RBFOX1: variants seen among roughly 807,000 people sequenced by gnomAD.
RBFOX1 encodes the protein RNA binding fox-1 homolog 1, also known as RNA binding protein fox-1 homolog 1.
Under a neutral mutation model 57.7 loss-of-function variants are expected in RBFOX1, and 8 were observed. The observed-to-expected ratio is 0.14, with a 90% CI of 0.08 to 0.25. The LOEUF (loss-of-function observed/expected upper bound fraction) is 0.25. RBFOX1 is among the 10% of genes least tolerant of loss of function. The pLI is 1.00. For missense variants in RBFOX1, 611 were observed against 548.5 expected, an observed-to-expected ratio of 1.11 and a Z score of -1.14; for synonymous variants, 326 against 222.4, an observed-to-expected ratio of 1.47 and a Z score of -4.15.
Position 7,632,703 on chromosome 16 carries a change from C to T in RBFOX1, c.757+2020C>T, listed in dbSNP as rs1185241873. 3.9e-5 allele frequency among the ~76,000 whole-genome samples: 6 copies of T among 152,182 alleles called. No homozygotes were observed. The South Asian group carries it at 1.2e-3, about 32-fold the overall frequency. On this transcript the variant is annotated intron_variant, in intron 11 of 15. Coordinates refer to ENST00000550418, the MANE Select transcript of RBFOX1 (RefSeq NM_018723.4). ...CCTAGAGTATTATTTTTTTCTCTAA[C>T]ATTGCGGTCCTATAGAAGTGTCTGG...
chr16:7,020,137 G>C lies in RBFOX1; in HGVS notation c.-15-31920G>C, dbSNP rs537204052. ...AATTGTCATGTCTCAGGCCAGGTGC[G>C]GCGTACCCGGGGACTCTTTTATGCC... On this transcript the variant is annotated intron_variant, in intron 3 of 15. Transcript: ENST00000550418. Among the ~76,000 whole-genome samples, 19 of 152,094 alleles carry C rather than the reference G, an allele frequency of 1.2e-4. No homozygotes were observed. The South Asian group carries it at 4.0e-3, about 32-fold the overall frequency.
intron 3 of RBFOX1, among the ~76,000 whole-genome samples, chr16:6,760,012 A>T (rs2076378434): frequency 6.6e-6 from 1 of 152,228 alleles, no homozygotes; most frequent in Non-Finnish European, 1.5e-5. Flanking sequence ...GGGCATTAAT[A>T]GTGAAATGGT....
rs192221389 is a variant in RBFOX1 at position 7,141,667 on chromosome 16, T to G, written c.27+89569T>G. On this transcript the variant is annotated intron_variant, in intron 4 of 15. Transcript: ENST00000550418. ...ATGAGTTAAACTCATCTAACTTTAGTGTTTACAAGGGATGAGCTACTATAG... is the reference window on the plus strand; with the variant it reads ...ATGAGTTAAACTCATCTAACTTTAGGGTTTACAAGGGATGAGCTACTATAG... Among the ~76,000 whole-genome samples the G allele has an allele frequency of 8.8e-4, 134 of 152,336 alleles. 2 individuals carry two copies. Among genetic ancestry groups the G allele is most frequent in the African/African-American group, 3.2e-3 (132 of 41,576 alleles).
intron 4 of RBFOX1, among the ~76,000 whole-genome samples, chr16:5,945,582 A>C (rs1372291783): frequency 6.6e-6 from 1 of 152,200 alleles, no homozygotes; most frequent in African/African-American, 2.4e-5. Context: ...ACAGAAGAGA[A>C]ACTGAGCCTC....
At chr16:6,853,826 C>T (rs377533559) in intron 3 of RBFOX1, among the ~76,000 whole-genome samples, 2 of 152,124 alleles carry the variant, frequency 1.3e-5, no homozygotes, top group Non-Finnish European at 2.9e-5. Context: ...CAACGGATGA[C>T]TGACATTACA....
rs566455041 is a variant in RBFOX1, at chr16:6,866,723, T to C, written c.-15-185334T>C. Among the ~76,000 whole-genome samples, 5 of 151,842 alleles carry C rather than the reference T, an allele frequency of 3.3e-5. No individual in the cohort carries two copies. The East Asian group carries it at 9.8e-4, about 30-fold the overall frequency. The stretch of plus-strand genomic sequence containing the variant: ...CGCCTGGCTGATTTTTTTGTATTTT[T>C]AGTAGAGAAGGGGTTTCACCGTGTT... On this transcript the variant is annotated intron_variant, in intron 3 of 15. Coordinates refer to ENST00000550418, the MANE Select transcript of RBFOX1 (RefSeq NM_018723.4).
chr16:6,478,372 G>GCCA (rs1242899615), intron 2 of RBFOX1, among the ~76,000 whole-genome samples: 1 of 119,470 alleles, frequency 8.4e-6, no homozygotes, highest in Non-Finnish European at 1.7e-5. Context: ...ACAGGTACCT[G>GCCA]CCACTACACC....
chr16:5,667,424 G>A (rs190261902), intron 3 of RBFOX1, among the ~76,000 whole-genome samples: 20 of 152,246 alleles, frequency 1.3e-4, no homozygotes, highest in Admixed American at 2.6e-4. Flanking sequence ...TTGATTTTCT[G>A]TTTAGAAATA....
chr16:6,497,138 A>T (rs1051946167), intron 2 of RBFOX1, among the ~76,000 whole-genome samples: 1 of 152,186 alleles, frequency 6.6e-6, no homozygotes, highest in African/African-American at 2.4e-5. Context: ...ACCAAATATT[A>T]CATTGCTAAC....
chr16:5,820,361 G>C (rs866869187), intron 3 of RBFOX1, among the ~76,000 whole-genome samples: 1 of 152,168 alleles, frequency 6.6e-6, no homozygotes, highest in African/African-American at 2.4e-5. Context: ...TCCTGCAAGG[G>C]GGGAGGCAGG....
chr16:7,059,030 G>A (rs1203558211), intron 4 of RBFOX1, among the ~76,000 whole-genome samples: 1 of 152,188 alleles, frequency 6.6e-6, no homozygotes, highest in Non-Finnish European at 1.5e-5. Flanking sequence ...CCAGTTACAA[G>A]CGAGTTTCTC....
chr16:7,467,008 C>T (rs140193191), intron 4 of RBFOX1, among the ~76,000 whole-genome samples: 13 of 152,250 alleles, frequency 8.5e-5, no homozygotes, highest in Admixed American at 2.0e-4. Context: ...AAAACAGAGG[C>T]GAACCAAACA....
intron 4 of RBFOX1, among the ~76,000 whole-genome samples, chr16:7,353,083 C>G (rs1209597393): frequency 6.6e-6 from 1 of 152,104 alleles, no homozygotes; most frequent in Non-Finnish European, 1.5e-5. Context: ...AACCCTAAAG[C>G]CATACCTTTG....
chr16:7,459,373 A>G (rs1457084896), intron 4 of RBFOX1, among the ~76,000 whole-genome samples: 1 of 152,184 alleles, frequency 6.6e-6, no homozygotes, highest in Non-Finnish European at 1.5e-5. Flanking sequence ...CATTTTGTAC[A>G]AAAGTATGTT....
At chr16:6,958,214 G>A (rs2082263764) in intron 3 of RBFOX1, among the ~76,000 whole-genome samples, 1 of 152,306 alleles carries the variant, frequency 6.6e-6, no homozygotes, top group East Asian at 1.9e-4. Flanking sequence ...TTTCCAGTAA[G>A]CTTGGCCGTC....
At chr16:6,276,150 T>A (rs570161888) in intron 1 of RBFOX1, among the ~76,000 whole-genome samples, 3 of 152,126 alleles carry the variant, frequency 2.0e-5, no homozygotes, top group Non-Finnish European at 4.4e-5. Flanking sequence ...TTTCCTGCAG[T>A]GAAGAAAAAC....
At chr16:5,961,328 G>A (rs564745630) in intron 4 of RBFOX1, among the ~76,000 whole-genome samples, 12 of 151,944 alleles carry the variant, frequency 7.9e-5, no homozygotes, top group East Asian at 3.9e-4. Context: ...ATATTTAACC[G>A]TTGTTGAAAC....
chr16:7,380,052 C>G (rs1228524584), intron 4 of RBFOX1, among the ~76,000 whole-genome samples: 1 of 152,138 alleles, frequency 6.6e-6, no homozygotes, highest in Admixed American at 6.6e-5. Flanking sequence ...AGAAGAGTGT[C>G]TTGCTATGTT....
chr16:6,459,491 C>T (rs922689720), intron 2 of RBFOX1, among the ~76,000 whole-genome samples: 7 of 152,260 alleles, frequency 4.6e-5, no homozygotes, highest in African/African-American at 1.7e-4. Flanking sequence ...AAATGGAAGA[C>T]ACCTAAGAAA....
Sources: allele counts gnomAD v4.1 joint callset (sites outside exome capture counted in the v4.1 genomes callset), GRCh38; gene constraint gnomAD v4.1.1; transcripts MANE v1.5; gene names NCBI Gene and HGNC (gene_info 2026-07-23, HGNC 2026-07-21).